BEST2: variants seen among roughly 807,000 people sequenced by gnomAD.
BEST2 encodes the protein bestrophin-2a.
Under a neutral mutation model 49.0 loss-of-function variants are expected in BEST2, and 36 were observed. The ratio of observed to expected loss-of-function variants is 0.73; its 90% CI spans 0.56 to 0.97. The LOEUF is 0.97. BEST2 is among the 50% of genes least tolerant of loss of function. The probability of loss-of-function intolerance (pLI) is 0.00; values close to 1 mark genes in which losing one functional copy is unlikely to be tolerated. For synonymous variants in BEST2, 335 were observed against 304.4 expected (o/e 1.10, Z -1.05); for missense variants, 672 against 710.0 (o/e 0.95, Z 0.61).
rs571724788 is a variant in BEST2 at position 12,753,294 on chromosome 19, G to A, written c.187G>A (p.Glu63Lys). The change falls in exon 3 of 10, where the codon GAG (glutamate) becomes AAG (lysine). Residue 63 changes from glutamate (E) to lysine (K), a missense_variant. Glu to Lys is a moderately conservative substitution (Grantham distance 56). Transcript: ENST00000553030. ...VLTEGQKRYF[E>K]KLVIYCDQYA... ...GACCGAAGGGCAGAAGCGCTACTTCGAGAAGCTTGTGATTTATTGTGACCA... is the reference window on the plus strand; with the variant it reads ...GACCGAAGGGCAGAAGCGCTACTTCAAGAAGCTTGTGATTTATTGTGACCA... 6.8e-6 allele frequency: 11 copies of A among 1,614,150 alleles called. No homozygotes were observed. Among genetic ancestry groups the A allele is most frequent in the East Asian group, 4.5e-5 (2 of 44,890 alleles).
At chr19:12,756,603 G>A in intron 9 of BEST2, 1 of 345,054 alleles carries the variant, frequency 2.9e-6, no homozygotes, top group Non-Finnish European at 5.4e-6. Context: ...CAGTACTTTG[G>A]GAGGCTGAGG....
chr19:12,755,043 CAGG>C lies in BEST2; in HGVS notation c.636+16_636+18del. 6.3e-7 allele frequency: 1 copy of C among 1,590,264 alleles called. No homozygotes were observed. The highest frequency in any genetic ancestry group is 2.2e-5 in the East Asian group (1 of 44,708). ...AGCTGCTGCTCGAGGTGGGCCCAACCAGGAGGTCATTCATATAGAATACCAGGG... is the reference window on the plus strand; with the variant it reads ...AGCTGCTGCTCGAGGTGGGCCCAACCAGGTCATTCATATAGAATACCAGGG... On this transcript the variant is annotated intron_variant, in intron 5 of 9. Transcript: ENST00000553030. This position sits in a 1 kb window ranked among gnomAD's most constrained non-coding sequence, Gnocchi z 4.4.
At chr19:12,757,099 C>T (rs900894988) in intron 9 of BEST2, among the ~76,000 whole-genome samples, 1 of 152,216 alleles carries the variant, frequency 6.6e-6, no homozygotes, top group East Asian at 1.9e-4. Context: ...GCCGAGATTG[C>T]GCCATTGCAC....
chr19:12,754,274 A>G (rs1967907273), intron 3 of BEST2, among the ~76,000 whole-genome samples: 2 of 151,460 alleles, frequency 1.3e-5, no homozygotes, highest in Non-Finnish European at 2.9e-5. Flanking sequence ...GAGTTTCACC[A>G]TGCTGGTCAG....
intron 3 of BEST2, 58 bp downstream of exon 3, chr19:12,753,412 A>C (rs1390660071): frequency 1.3e-6 from 2 of 1,531,546 alleles, no homozygotes; most frequent in Non-Finnish European, 1.8e-6. Flanking sequence ...ATATCCATTC[A>C]TGCCTTTTGA....
At position 12,755,310 on chromosome 19, in the gene BEST2, G is replaced by A. The variant is rs1010263623; in HGVS notation, c.637-69G>A. On this transcript the variant is annotated intron_variant, in intron 5 of 9. Coordinates refer to ENST00000553030, the MANE Select transcript of BEST2 (RefSeq NM_017682.3). The surrounding 1 kb of genome is among the most constrained non-coding windows in gnomAD (Gnocchi z 4.4). ...AGGTGACCACCCACCTCCATCCCAC[G>A]TACCTACACTTAATATCCCTGTGTG... is the stretch of plus-strand genomic sequence containing the variant. 52 of 1,520,834 alleles carry A rather than the reference G, an allele frequency of 3.4e-5. No homozygotes were observed. Among genetic ancestry groups the A allele is most frequent in the Middle Eastern group, 1.7e-4 (1 of 5,888 alleles). 94.2% of individuals were successfully genotyped at this position (1,520,834 alleles called of 1,614,324 possible).
chr19:12,753,144 C>G (rs1967891400), intron 2 of BEST2, 116 bp from the exon 3 acceptor site: 1 of 1,064,754 alleles, frequency 9.4e-7, no homozygotes, highest in Non-Finnish European at 1.4e-6. Context: ...ACCCATAGCA[C>G]CCGGCTGGGG....
chr19:12,756,093 C>T (rs374456953), intron 8 of BEST2, 48 bp from the exon 9 acceptor site: 21 of 1,611,136 alleles, frequency 1.3e-5, no homozygotes, highest in Admixed American at 1.0e-4. Context: ...CCTGTGGTCC[C>T]GGCGGGTTGC....
chr19:12,752,546 C>T lies in BEST2; in HGVS notation c.-47C>T, dbSNP rs1246052130. On this transcript the variant is annotated 5_prime_UTR_variant, in exon 2 of 10. Transcript: ENST00000553030. ...CCTCTCCACCCACACCCGCAGCCCC[C>T]ACCCGGGCCACCCACTCTCCCTTGG... The T allele has an allele frequency of 6.2e-7, 1 of 1,600,156 alleles. No individual in the cohort carries two copies. Among genetic ancestry groups the T allele is most frequent in the South Asian group, 1.1e-5 (1 of 90,600 alleles).
chr19:12,754,420 C>A, intron 3 of BEST2, 132 bp from the exon 4 acceptor site: 2 of 745,760 alleles, frequency 2.7e-6, no homozygotes, highest in Non-Finnish European at 4.2e-6. Flanking sequence ...CCAGCCCAAA[C>A]GTGGTCAGGT....
Position 12,752,582 on chromosome 19 carries a change from C to T in BEST2, c.-11C>T, listed in dbSNP as rs79610021. On this transcript the variant is annotated 5_prime_UTR_variant, in exon 2 of 10. Transcript: ENST00000553030. ...CCCACTCTCCCTTGGCCACACCTGC[C>T]GGGTGCCACGATGACCGTCACCTAC... The T allele has an allele frequency of 7.1e-4, 1,141 of 1,610,406 alleles. 5 individuals carry two copies. The African/African-American group carries it at 0.013, about 19-fold the overall frequency.
intron 2 of BEST2, 110 bp downstream of exon 2, chr19:12,752,854 TG>T: frequency 1.2e-6 from 1 of 865,126 alleles, no homozygotes; most frequent in Non-Finnish European, 1.5e-6. Context: ...TATATATCTA[TG>T]TTTTTTAAAC....
chr19:12,755,701 C>T lies in BEST2; in HGVS notation c.801C>T (p.His267=), dbSNP rs769176731. ...FLDPAQGYKD[H]DLDLCVPIFT... Reference sequence around the variant, plus strand: ...ACCCGGCTCAGGGTTACAAAGACCACGACCTAGACCTGTGTGTGCCCATCT... The same window carrying T: ...ACCCGGCTCAGGGTTACAAAGACCATGACCTAGACCTGTGTGTGCCCATCT... Residue 267 remains histidine (H), a synonymous_variant, in exon 7 of 10, where the codon CAC becomes CAT. Transcript: ENST00000553030. The surrounding 1 kb of genome is among the most constrained non-coding windows in gnomAD (Gnocchi z 4.4). 22 of 1,614,020 alleles carry T rather than the reference C, an allele frequency of 1.4e-5. No homozygotes were observed. The highest frequency in any genetic ancestry group is 4.5e-5 in the East Asian group (2 of 44,880).
chr19:12,757,987 C>T lies in BEST2; in HGVS notation c.1440C>T (p.Pro480=). 2 of 1,612,092 alleles carry T rather than the reference C, an allele frequency of 1.2e-6. No individual in the cohort carries two copies. The highest frequency in any genetic ancestry group is 1.7e-4 in the Middle Eastern group (1 of 6,054). The change falls in exon 10 of 10, where the codon CCC becomes CCT. Residue 480 remains proline, a synonymous_variant. Transcript: ENST00000553030. ...CCCTCATCCCTGGGCCTGTCGAGCC[C>T]TTCAGCATCGTGACCATGCCCGGGC... is the stretch of plus-strand genomic sequence containing the variant. ...PLTLIPGPVE[P]FSIVTMPGPR...
rs752534600 is a variant in BEST2 at position 12,754,796 on chromosome 19, G to C, written c.481+11G>C. 6 of 1,578,504 alleles carry C rather than the reference G, an allele frequency of 3.8e-6. No individual in the cohort carries two copies. The highest frequency in any genetic ancestry group is 1.7e-4 in the Middle Eastern group (1 of 6,008). On this transcript the variant is annotated intron_variant, in intron 4 of 9. Transcript: ENST00000553030. ...ACGTGGTGGAGGCTGGTGAGTACTC[G>C]GCCAGAGGCAGGGCAGAGACCGGGC...
At chr19:12,752,191 A>T (rs914245681) in intron 1 of BEST2, among the ~76,000 whole-genome samples, 1 of 151,812 alleles carries the variant, frequency 6.6e-6, no homozygotes, top group Non-Finnish European at 1.5e-5. Flanking sequence ...GGAGAGGTGG[A>T]GCCTTGAGAA....
At chr19:12,753,403 T>A (rs367948415) in intron 3 of BEST2, 49 bp downstream of exon 3, 1 of 1,549,664 alleles carries the variant, frequency 6.5e-7, no homozygotes, top group Non-Finnish European at 8.9e-7. Flanking sequence ...GAGAAACCCA[T>A]ATCCATTCAT....
At chr19:12,754,524 T>G (rs372402154) in intron 3 of BEST2, 28 bp from the exon 4 acceptor site, 94 of 1,427,224 alleles carry the variant, frequency 6.6e-5, no homozygotes, top group Non-Finnish European at 8.3e-5. Context: ...GTGTCCCCAC[T>G]GAGCCCCCAT....
chr19:12,755,799 G>C lies in BEST2; in HGVS notation c.867+32G>C, dbSNP rs768837504. 4 of 1,613,524 alleles carry C rather than the reference G, an allele frequency of 2.5e-6. No individual in the cohort carries two copies. Among genetic ancestry groups the C allele is most frequent in the Middle Eastern group, 3.3e-4 (2 of 6,082 alleles). On this transcript the variant is annotated intron_variant, in intron 7 of 9. Coordinates refer to ENST00000553030, the MANE Select transcript of BEST2 (RefSeq NM_017682.3). The surrounding 1 kb of genome is among the most constrained non-coding windows in gnomAD (Gnocchi z 4.4). ...GGGTGATCCAGGCTGGAATTTCGTG[G>C]GTGGGGCGGGCATGGGGTTCCCAAG... is the stretch of plus-strand genomic sequence containing the variant.
Sources: allele counts gnomAD v4.1 joint callset (sites outside exome capture counted in the v4.1 genomes callset), GRCh38; gene constraint gnomAD v4.1.1; non-coding constraint Gnocchi (gnomAD v3.1); transcripts MANE v1.5; gene names NCBI Gene and HGNC (gene_info 2026-07-23, HGNC 2026-07-21).